PPFIBP2: variants seen among roughly 807,000 people sequenced by gnomAD.
The protein encoded by PPFIBP2 is PPFIB scaffold protein 2, also known as liprin-beta-2.
PPFIBP2 carries 118 observed loss-of-function variants against 118.3 expected under a neutral mutation model. That is an observed-to-expected ratio of 1.00 (90% CI 0.86 to 1.16). PPFIBP2 has a LOEUF of 1.16. PPFIBP2 is among the 50% of genes most tolerant of loss of function. The pLI is 0.00. For missense variants in PPFIBP2, 1,195 were observed against 1,073.1 expected (o/e 1.11, Z -1.59); for synonymous variants, 414 against 397.4 (o/e 1.04, Z -0.50).
chr11:7,597,563 A>G lies in PPFIBP2; in HGVS notation c.376A>G (p.Ser126Gly), dbSNP rs142952475. 3.7e-6 allele frequency: 6 copies of G among 1,613,230 alleles called. No individual in the cohort carries two copies. Among genetic ancestry groups the G allele is most frequent in the Non-Finnish European group, 5.1e-6 (6 of 1,179,560 alleles). The change falls in exon 5 of 24, where the codon AGT (serine) becomes GGT (glycine). Residue 126 changes from serine to glycine, a missense_variant. Transcript: ENST00000299492. ...GDKESLILQV[S>G]VLTDQVEAQG... ...ATTGCTTTATTTCCTGGAACAGGTG[A>G]GTGTCCTCACAGACCAAGTAGAAGC...
At chr11:7,562,935 AT>A (rs1854475812) in intron 2 of PPFIBP2, among the ~76,000 whole-genome samples, 1 of 15,148 alleles carries the variant, frequency 6.6e-5, no homozygotes, top group Non-Finnish European at 1.3e-4. Context: ...AGTTTTATAT[AT>A]ATATATATAT....
intron 3 of PPFIBP2, among the ~76,000 whole-genome samples, chr11:7,584,846 C>T (rs1279278119): frequency 6.6e-6 from 1 of 152,194 alleles, no homozygotes; most frequent in African/African-American, 2.4e-5. Flanking sequence ...GCCTTAGTAA[C>T]TTTGATATCT....
At chr11:7,626,216 C>T (rs1849984897) in intron 8 of PPFIBP2, among the ~76,000 whole-genome samples, 1 of 152,194 alleles carries the variant, frequency 6.6e-6, no homozygotes, top group African/African-American at 2.4e-5. Context: ...CTAACTCTTT[C>T]ATTTGACTGA....
chr11:7,575,372 G>C (rs1856167414), intron 3 of PPFIBP2, among the ~76,000 whole-genome samples: 2 of 151,810 alleles, frequency 1.3e-5, no homozygotes, highest in Admixed American at 1.3e-4. Context: ...AGGGACACCT[G>C]AGCCACAGCT....
At chr11:7,655,174 C>T (rs1279948076), downstream of PPFIBP2, among the ~76,000 whole-genome samples, 1 of 152,168 alleles carries the variant, frequency 6.6e-6, no homozygotes, top group Non-Finnish European at 1.5e-5. Context: ...CCTCTGTGTA[C>T]CCTGAATGCC....
At chr11:7,615,974 A>T (rs974572657) in intron 6 of PPFIBP2, among the ~76,000 whole-genome samples, 1 of 152,110 alleles carries the variant, frequency 6.6e-6, no homozygotes, top group Non-Finnish European at 1.5e-5. Flanking sequence ...AATAAAAAGG[A>T]AGAGTTTAGA....
rs755069447 is a variant in PPFIBP2 at position 7,648,871 on chromosome 11, G to A, written c.1869G>A (p.Gln623=). 6.2e-7 allele frequency: 1 copy of A among 1,614,120 alleles called. No individual in the cohort carries two copies. Residue 623 remains glutamine, a synonymous_variant, in exon 19 of 24, where the codon CAG becomes CAA. Coordinates refer to ENST00000299492, the MANE Select transcript of PPFIBP2 (RefSeq NM_003621.5). The part of the protein sequence containing the change: ...VLAVKAINTK[Q]EEKSALLDHI... ...CAGTGAAAGCCATCAACACCAAACA[G>A]GAGGAGAAGTCTGCACTGCTAGACC...
At chr11:7,637,272 T>C (rs1851575592) in intron 14 of PPFIBP2, among the ~76,000 whole-genome samples, 1 of 152,076 alleles carries the variant, frequency 6.6e-6, no homozygotes, top group Admixed American at 6.6e-5. Flanking sequence ...AGACTTGGAG[T>C]GTGATATTCT....
chr11:7,518,236 C>T (rs1414735081), intron 1 of PPFIBP2, among the ~76,000 whole-genome samples: 2 of 152,126 alleles, frequency 1.3e-5, no homozygotes, highest in Non-Finnish European at 2.9e-5. Flanking sequence ...CACCGAATAT[C>T]GGGAATGGAT....
chr11:7,655,666 G>A (rs1854618579), downstream of PPFIBP2, among the ~76,000 whole-genome samples: 1 of 152,088 alleles, frequency 6.6e-6, no homozygotes, highest in Admixed American at 6.5e-5. Context: ...AAGCAGCCCA[G>A]GGGCCTTCTC....
At position 7,642,445 on chromosome 11, in the gene PPFIBP2, T is replaced by A. The variant is rs368051958; in HGVS notation, c.1646+19T>A. On this transcript the variant is annotated intron_variant, in intron 17 of 23. Transcript: ENST00000299492. ...AGAAAAGGTAAGGCTTGACCCACTT[T>A]CCTTTGATCTCCCTGCTCTGAAAAA... The A allele has an allele frequency of 3.1e-6, 5 of 1,602,088 alleles. No individual in the cohort carries two copies. In the Admixed American group the frequency reaches 8.5e-5, roughly 27 times the overall value.
intron 10 of PPFIBP2, among the ~76,000 whole-genome samples, chr11:7,630,662 T>C (rs1276626240): frequency 6.6e-6 from 1 of 152,050 alleles, no homozygotes; most frequent in Non-Finnish European, 1.5e-5. Flanking sequence ...AGGGCCTTGA[T>C]TGCCTATAGC....
chr11:7,586,009 T>A (rs901964848), intron 3 of PPFIBP2, among the ~76,000 whole-genome samples: 1 of 152,174 alleles, frequency 6.6e-6, no homozygotes, highest in Non-Finnish European at 1.5e-5. Flanking sequence ...TGGCCATGAA[T>A]GTATGACTCA....
At chr11:7,632,769 A>G in intron 11 of PPFIBP2, 98 bp from the exon 12 acceptor site, 1 of 933,378 alleles carries the variant, frequency 1.1e-6, no homozygotes, top group Non-Finnish European at 1.7e-6. Flanking sequence ...CAGGGAGGAA[A>G]TGTCTCCCTA....
intron 15 of PPFIBP2, chr11:7,641,114 C>A: frequency 8.2e-7 from 1 of 1,226,792 alleles, no homozygotes; most frequent in South Asian, 1.3e-5. Flanking sequence ...GCCTTTGTTT[C>A]CCTACCCTAA....
intron 8 of PPFIBP2, among the ~76,000 whole-genome samples, chr11:7,626,715 C>G (rs1850060776): frequency 6.6e-6 from 1 of 152,220 alleles, no homozygotes. Context: ...GGCTGTTTGC[C>G]ATGTATACAA....
chr11:7,553,186 C>A (rs144401231), intron 2 of PPFIBP2, among the ~76,000 whole-genome samples: 4 of 151,932 alleles, frequency 2.6e-5, no homozygotes, highest in African/African-American at 9.7e-5. Flanking sequence ...TCTCTATTTT[C>A]ACCCTTGTTT....
chr11:7,641,171 T>C (rs1303275328), intron 15 of PPFIBP2: 2 of 976,898 alleles, frequency 2.0e-6, no homozygotes, highest in Non-Finnish European at 2.9e-6. Context: ...ACTGCCTGCG[T>C]TCCTGCATCT....
chr11:7,572,459 C>T (rs894802315), intron 3 of PPFIBP2, among the ~76,000 whole-genome samples: 1 of 152,186 alleles, frequency 6.6e-6, no homozygotes, highest in African/African-American at 2.4e-5. Flanking sequence ...ACTATTTCAG[C>T]CTCTAAGAAC....
Sources: gnomAD v4.1 joint callset for allele counts (sites outside exome capture counted in the v4.1 genomes callset) on GRCh38, gnomAD v4.1.1 for gene constraint, MANE v1.5 for transcripts, NCBI Gene and HGNC (gene_info 2026-07-23, HGNC 2026-07-21) for gene names.